Variants in CCBE1 observed in about 807,000 individuals in gnomAD.
CCBE1 encodes collagen and calcium-binding EGF domain-containing protein 1.
Under a neutral mutation model 50.0 loss-of-function variants are expected in CCBE1, and 37 were observed. The ratio of observed to expected loss-of-function variants is 0.74; its 90% CI spans 0.57 to 0.97. The LOEUF is 0.97. Among genes scored for constraint, CCBE1 ranks in the 50% least tolerant of loss-of-function variants. The pLI is 0.00. For synonymous variants in CCBE1, 234 were observed against 203.7 expected (o/e 1.15, Z -1.27); for missense variants, 538 against 523.8 (o/e 1.03, Z -0.26).
intron 2 of CCBE1, among the ~76,000 whole-genome samples, chr18:59,588,416 AGAG>A (rs1008117691): frequency 6.6e-6 from 1 of 152,184 alleles, no homozygotes; most frequent in Non-Finnish European, 1.5e-5. Flanking sequence ...AAGAAAAAAA[AGAG>A]GTAAATATTT....
intron 2 of CCBE1, among the ~76,000 whole-genome samples, chr18:59,645,226 TCAA>T (rs10562482): frequency 0.28 from 42,432 of 151,922 alleles, 6,125 homozygotes; most frequent in East Asian, 0.41. Context: ...AGACTCCGTC[TCAA>T]CAACAACAAC....
intron 2 of CCBE1, among the ~76,000 whole-genome samples, chr18:59,553,033 AGGAG>A (rs1329173459): frequency 6.6e-6 from 1 of 152,130 alleles, no homozygotes; most frequent in East Asian, 1.9e-4. Context: ...GTGTAAGAGG[AGGAG>A]GATCTCCTCC....
intron 2 of CCBE1, among the ~76,000 whole-genome samples, chr18:59,600,438 CTG>C (rs2053414170): frequency 6.6e-6 from 1 of 152,064 alleles, no homozygotes; most frequent in African/African-American, 2.4e-5. Context: ...TAGAAATAAA[CTG>C]TACAATAAAT....
At chr18:59,662,069 G>A (rs1048460700) in intron 2 of CCBE1, among the ~76,000 whole-genome samples, 2 of 152,152 alleles carry the variant, frequency 1.3e-5, no homozygotes, top group Admixed American at 6.5e-5. Flanking sequence ...TTCTCACAAG[G>A]CACATCACAG....
chr18:59,540,595 T>C (rs1915430046), intron 2 of CCBE1, among the ~76,000 whole-genome samples: 1 of 152,222 alleles, frequency 6.6e-6, no homozygotes, highest in Non-Finnish European at 1.5e-5. Context: ...TTCTCCCCAC[T>C]GATTTTCTTA....
intron 2 of CCBE1, among the ~76,000 whole-genome samples, chr18:59,695,377 A>G (rs572346651): frequency 3.3e-5 from 5 of 152,284 alleles, no homozygotes; most frequent in African/African-American, 7.2e-5. Flanking sequence ...TAACCTGCCA[A>G]TTGAACATAC....
intron 2 of CCBE1, among the ~76,000 whole-genome samples, chr18:59,605,492 G>C (rs1008200503): frequency 6.6e-6 from 1 of 152,224 alleles, no homozygotes; most frequent in African/African-American, 2.4e-5. Flanking sequence ...GCCTGAAAAA[G>C]AATGTGGTCC....
At chr18:59,463,738 C>A (rs7244209) in intron 5 of CCBE1, among the ~76,000 whole-genome samples, 10,295 of 152,180 alleles carry the variant, frequency 0.068, 744 homozygotes, top group East Asian at 0.21. Context: ...AGCAGTATTG[C>A]GTTTGTTGCT....
At chr18:59,615,719 C>G (rs1402924298) in intron 2 of CCBE1, among the ~76,000 whole-genome samples, 1 of 152,158 alleles carries the variant, frequency 6.6e-6, no homozygotes, top group Non-Finnish European at 1.5e-5. Context: ...TTTCTTTTGT[C>G]TGCTCTCCAC....
At chr18:59,464,459 T>G (rs1435695432) in intron 5 of CCBE1, among the ~76,000 whole-genome samples, 5 of 151,958 alleles carry the variant, frequency 3.3e-5, no homozygotes, top group African/African-American at 4.8e-5. Flanking sequence ...AACAAAAAAG[T>G]GGTCTGTAAA....
At chr18:59,491,835 C>CAAATAAACAAACA (rs71177029) in intron 2 of CCBE1, among the ~76,000 whole-genome samples, 32,377 of 148,024 alleles carry the variant, frequency 0.22, 3,913 homozygotes, top group Non-Finnish European at 0.27. Context: ...AACAAACAAA[C>CAAATAAACAAACA]AAAAAAAAAC....
At chr18:59,551,265 A>C (rs1174899054) in intron 2 of CCBE1, among the ~76,000 whole-genome samples, 1 of 152,156 alleles carries the variant, frequency 6.6e-6, no homozygotes, top group Non-Finnish European at 1.5e-5. Flanking sequence ...ATTGTAACAC[A>C]ATGGTAAGTA....
chr18:59,666,726 G>C (rs912111587), intron 2 of CCBE1, among the ~76,000 whole-genome samples: 8 of 152,140 alleles, frequency 5.3e-5, no homozygotes, highest in African/African-American at 1.9e-4. Context: ...CAGAACGTTG[G>C]GAGGCCGAGG....
intron 2 of CCBE1, among the ~76,000 whole-genome samples, chr18:59,539,439 C>T (rs1915383543): frequency 6.6e-6 from 1 of 152,144 alleles, no homozygotes; most frequent in South Asian, 2.1e-4. Context: ...ATCCTTCAAA[C>T]TTAGAACAGC....
At chr18:59,631,665 C>G (rs2053850209) in intron 2 of CCBE1, among the ~76,000 whole-genome samples, 1 of 152,204 alleles carries the variant, frequency 6.6e-6, no homozygotes, top group Non-Finnish European at 1.5e-5. Context: ...TGCTGCAACT[C>G]ACTCCAAAAT....
At chr18:59,648,944 G>T (rs2054091238) in intron 2 of CCBE1, among the ~76,000 whole-genome samples, 1 of 152,132 alleles carries the variant, frequency 6.6e-6, no homozygotes. Flanking sequence ...AATACTAATT[G>T]GTGTCATCAG....
chr18:59,547,988 G>A (rs922241058), intron 2 of CCBE1, among the ~76,000 whole-genome samples: 4 of 152,214 alleles, frequency 2.6e-5, no homozygotes, highest in Admixed American at 1.3e-4. Context: ...TTCTCCTTGT[G>A]GTTGGAATGA....
chr18:59,457,916 A>ATACTT (rs1198715108), intron 5 of CCBE1, among the ~76,000 whole-genome samples: 1 of 152,228 alleles, frequency 6.6e-6, no homozygotes, highest in East Asian at 1.9e-4. Context: ...ACTTAGTTGT[A>ATACTT]AAGGGCTGAC....
intron 2 of CCBE1, among the ~76,000 whole-genome samples, chr18:59,502,146 C>T (rs889452255): frequency 5.3e-5 from 8 of 152,178 alleles, no homozygotes; most frequent in African/African-American, 1.9e-4. Context: ...AGAGCATTGG[C>T]TGTGTCACCT....
Sources: gnomAD v4.1 joint callset for allele counts (sites outside exome capture counted in the v4.1 genomes callset) on GRCh38, gnomAD v4.1.1 for gene constraint, MANE v1.5 for transcripts, NCBI Gene and HGNC (gene_info 2026-07-23, HGNC 2026-07-21) for gene names.